PAPPA: variants seen among roughly 807,000 people sequenced by gnomAD.
PAPPA encodes pappalysin-1.
Under a neutral mutation model 164.0 loss-of-function variants are expected in PAPPA, and 60 were observed. The ratio of observed to expected loss-of-function variants is 0.37; its 90% confidence interval spans 0.30 to 0.45. PAPPA has a LOEUF of 0.45. PAPPA is among the 20% of genes least tolerant of loss of function. PAPPA has a pLI of 1.00. For synonymous variants in PAPPA, 875 were observed against 814.1 expected, an observed-to-expected ratio of 1.07 and a Z score of -1.27; for missense variants, 1,782 against 2,087.3, an observed-to-expected ratio of 0.85 and a Z score of 2.85.
chr9:116,216,584 T>TG (rs1010856743), intron 4 of PAPPA, among the ~76,000 whole-genome samples: 7 of 152,060 alleles, frequency 4.6e-5, no homozygotes, highest in Non-Finnish European at 8.8e-5. Context: ...GGGGAGGCAC[T>TG]GGGGGGAAAG....
chr9:116,321,371 T>C (rs1014696676), intron 10 of PAPPA, among the ~76,000 whole-genome samples: 3 of 152,166 alleles, frequency 2.0e-5, no homozygotes, highest in Non-Finnish European at 4.4e-5. Context: ...CTGCTCTTAA[T>C]ACTGAAGATA....
intron 7 of PAPPA, among the ~76,000 whole-genome samples, chr9:116,239,338 C>T (rs920370968): frequency 1.3e-5 from 2 of 152,156 alleles, no homozygotes; most frequent in African/African-American, 2.4e-5. Context: ...CTGCTACAAA[C>T]TCACCATATG....
chr9:116,218,305 G>C lies in PAPPA; in HGVS notation c.1919-1632G>C, dbSNP rs116044746. ...GATTCTCAAAGCCATGTATATAGCT[G>C]TCCAGCACCTGCCCAAATGTATTTA... On this transcript the variant is annotated intron_variant, in intron 4 of 21. Coordinates refer to ENST00000328252, the MANE Select transcript of PAPPA (RefSeq NM_002581.5). Among the ~76,000 whole-genome samples the C allele has an allele frequency of 7.8e-3, 1,181 of 152,274 alleles. 18 individuals are homozygous for C. The highest frequency in any genetic ancestry group is 0.027 in the African/African-American group (1,136 of 41,550).
At chr9:116,293,072 G>C (rs1368643330) in intron 9 of PAPPA, among the ~76,000 whole-genome samples, 1 of 152,210 alleles carries the variant, frequency 6.6e-6, no homozygotes, top group Non-Finnish European at 1.5e-5. Flanking sequence ...CGACGTTAAT[G>C]AGATTGATTT....
chr9:116,225,728 G>A (rs1844498324), intron 5 of PAPPA, among the ~76,000 whole-genome samples: 1 of 152,076 alleles, frequency 6.6e-6, no homozygotes, highest in Non-Finnish European at 1.5e-5. Flanking sequence ...ACAATGATAA[G>A]GCTGAGAATG....
At chr9:116,369,932 G>A (rs1012076205) in intron 19 of PAPPA, among the ~76,000 whole-genome samples, 2 of 152,122 alleles carry the variant, frequency 1.3e-5, no homozygotes, top group South Asian at 2.1e-4. Context: ...GGAGGAGGGC[G>A]AAGGGCAGAG....
chr9:116,254,524 T>C (rs1844898411), intron 7 of PAPPA, among the ~76,000 whole-genome samples: 1 of 152,178 alleles, frequency 6.6e-6, no homozygotes, highest in Non-Finnish European at 1.5e-5. Flanking sequence ...GGCTCACACC[T>C]GTAATCCCAG....
intron 21 of PAPPA, among the ~76,000 whole-genome samples, chr9:116,385,039 G>A (rs1446875698): frequency 6.6e-6 from 1 of 151,864 alleles, no homozygotes; most frequent in Non-Finnish European, 1.5e-5. Flanking sequence ...CATGAGACCA[G>A]CCTCGCCAAG....
At chr9:116,243,337 C>T (rs1197298131) in intron 7 of PAPPA, among the ~76,000 whole-genome samples, 1 of 152,186 alleles carries the variant, frequency 6.6e-6, no homozygotes, top group Admixed American at 6.5e-5. Flanking sequence ...TGATTTGTAG[C>T]ATTTACTACT....
chr9:116,366,312 C>T (rs1846500042), intron 18 of PAPPA, among the ~76,000 whole-genome samples: 1 of 152,142 alleles, frequency 6.6e-6, no homozygotes, highest in Non-Finnish European at 1.5e-5. Context: ...CTTGCCAACC[C>T]ACAGCCTGGA....
chr9:116,225,010 A>C (rs901791398), intron 5 of PAPPA, among the ~76,000 whole-genome samples: 1 of 152,222 alleles, frequency 6.6e-6, no homozygotes, highest in Admixed American at 6.5e-5. Context: ...CTTCAGCTGG[A>C]TGATTATTTG....
chr9:116,154,317 A>C lies in PAPPA; in HGVS notation c.145A>C (p.Thr49Pro). 1.1e-6 allele frequency: 1 copy of C among 882,300 alleles called. No homozygotes were observed. Among genetic ancestry groups the C allele is most frequent in the Non-Finnish European group, 1.4e-6 (1 of 740,428 alleles). 54.7% of individuals were successfully genotyped at this position (882,300 alleles called of 1,614,324 possible). The stretch of plus-strand genomic sequence containing the variant: ...CGCCGCCGGCCCGGCCACCTGCGCC[A>C]CCCGGGCGGCCCGCGGCCGCCGCGC... ...RPAAGPATCA[T>P]RAARGRRASP... Residue 49 changes from threonine to proline, a missense_variant, in exon 1 of 22, where the codon ACC becomes CCC. Thr to Pro is a conservative substitution (Grantham distance 38). This residue lies in a region of PAPPA where 458 missense variants were observed against 430.3 expected (regional missense o/e 1.06). Transcript: ENST00000328252. This position sits in a 1 kb window ranked among gnomAD's most constrained non-coding sequence, Gnocchi z 5.2.
intron 15 of PAPPA, among the ~76,000 whole-genome samples, chr9:116,351,770 G>T (rs148329725): frequency 6.6e-6 from 1 of 152,190 alleles, no homozygotes; most frequent in East Asian, 1.9e-4. Context: ...AGAAGCACTC[G>T]GTACATAGTA....
chr9:116,384,060 T>TATCA (rs1846770078), intron 21 of PAPPA, among the ~76,000 whole-genome samples: 1 of 152,072 alleles, frequency 6.6e-6, no homozygotes, highest in South Asian at 2.1e-4. Context: ...TCTGTGTATA[T>TATCA]ATCACTGCCT....
chr9:116,339,507 A>G (rs866910439), intron 13 of PAPPA, among the ~76,000 whole-genome samples: 40 of 152,168 alleles, frequency 2.6e-4, no homozygotes, highest in African/African-American at 9.7e-4. Context: ...CAGGTGCCTC[A>G]TTTCTGGGTA....
At chr9:116,308,331 AGT>A (rs1186568483) in intron 10 of PAPPA, among the ~76,000 whole-genome samples, 58 of 152,364 alleles carry the variant, frequency 3.8e-4, no homozygotes. Context: ...GATGAGAGCC[AGT>A]GTGTAAGATA....
chr9:116,183,680 C>G (rs752522617), intron 1 of PAPPA, among the ~76,000 whole-genome samples: 1 of 152,214 alleles, frequency 6.6e-6, no homozygotes, highest in Non-Finnish European at 1.5e-5. Flanking sequence ...TCCCTCTGAA[C>G]TTGTGAAGCC....
chr9:116,385,436 G>A lies in PAPPA; in HGVS notation c.4776+2943G>A, dbSNP rs571452165. Among the ~76,000 whole-genome samples, 6 of 151,856 alleles carry A rather than the reference G, an allele frequency of 4.0e-5. No individual in the cohort carries two copies. In the South Asian group the frequency reaches 1.0e-3, roughly 26 times the overall value. On this transcript the variant is annotated intron_variant, in intron 21 of 21. Coordinates refer to ENST00000328252, the MANE Select transcript of PAPPA (RefSeq NM_002581.5). Reference sequence around the variant, plus strand: ...GCTGGGATTACAGGCATGAGCCACCGCACCTGACCAGATTCCAAATTATTA... The same window carrying A: ...GCTGGGATTACAGGCATGAGCCACCACACCTGACCAGATTCCAAATTATTA...
intron 8 of PAPPA, among the ~76,000 whole-genome samples, chr9:116,269,826 G>A (rs932568804): frequency 3.3e-5 from 5 of 152,088 alleles, no homozygotes; most frequent in Non-Finnish European, 5.9e-5. Flanking sequence ...CAAGGTCATC[G>A]GCAATTTCCA....
Sources: allele counts gnomAD v4.1 joint callset (sites outside exome capture counted in the v4.1 genomes callset), GRCh38; gene constraint gnomAD v4.1.1; regional missense constraint gnomAD v4.1.1; non-coding constraint Gnocchi (gnomAD v3.1); transcripts MANE v1.5; gene names NCBI Gene and HGNC (gene_info 2026-07-23, HGNC 2026-07-21).